The following URM1 variants were observed in gnomAD, a reference collection of about 807,000 sequenced individuals.
The protein encoded by URM1 is ubiquitin related modifier 1, also known as ubiquitin-related modifier 1.
URM1 carries 11 observed loss-of-function variants against 17.7 expected under a neutral mutation model. The ratio of observed to expected loss-of-function variants is 0.62; its 90% confidence interval spans 0.39 to 1.03. URM1 has a LOEUF of 1.03. Among genes scored for constraint, URM1 ranks in the 50% least tolerant of loss-of-function variants. The pLI, the probability that URM1 is intolerant of heterozygous loss-of-function variation, is 0.00. For missense variants in URM1, 128 were observed against 129.2 expected (o/e 0.99, Z 0.04); for synonymous variants, 48 against 50.6 (o/e 0.95, Z 0.22).
At chr9:128,386,212 C>T (rs867181067) in intron 2 of URM1, among the ~76,000 whole-genome samples, 1 of 152,212 alleles carries the variant, frequency 6.6e-6, no homozygotes, top group Admixed American at 6.5e-5. Context: ...ATGTGTCAGA[C>T]CCCGGTGGCT....
At position 128,391,636 on chromosome 9, in the gene URM1, G is replaced by A. The variant is rs192221871; in HGVS notation, c.*1902G>A. The A allele has an allele frequency of 6.6e-6, 1 of 152,332 alleles. No homozygotes were observed. Among genetic ancestry groups the A allele is most frequent in the East Asian group, 1.9e-4 (1 of 5,186 alleles). 9.4% of individuals were successfully genotyped at this position (152,332 alleles called of 1,614,324 possible). A position where few individuals can be genotyped will look rare whatever the true frequency, so the allele number is the denominator to read the frequency against. The stretch of plus-strand genomic sequence containing the variant: ...GAGCTGCAGGAGCGGCCCCATCAGT[G>A]CACCTGATTGGAACACACTAGATTT... On this transcript the variant is annotated 3_prime_UTR_variant, in exon 5 of 5. Transcript: ENST00000372853.
chr9:128,381,653 C>T (rs989202164), intron 2 of URM1, among the ~76,000 whole-genome samples: 1 of 152,250 alleles, frequency 6.6e-6, no homozygotes, highest in African/African-American at 2.4e-5. Context: ...TGCCACTGCA[C>T]TCCAGCCTGG....
At chr9:128,375,010 G>T (rs1833059296) in intron 1 of URM1, among the ~76,000 whole-genome samples, 1 of 152,212 alleles carries the variant, frequency 6.6e-6, no homozygotes, top group Non-Finnish European at 1.5e-5. Flanking sequence ...GTCTGCTGGT[G>T]CTAAGCAGGA....
intron 1 of URM1, among the ~76,000 whole-genome samples, chr9:128,377,732 G>A (rs1833096211): frequency 6.6e-6 from 1 of 152,210 alleles, no homozygotes; most frequent in South Asian, 2.1e-4. Context: ...ATGGTGGCAT[G>A]CACCTGTAGT....
chr9:128,387,977 G>T lies in URM1; in HGVS notation c.188+80G>T. Reference sequence around the variant, plus strand: ...AGCCCCCACCCTCGGGTTCAGTCCTGGCCTTCTCTGAATCCGGTTCTCCCC... The same window carrying T: ...AGCCCCCACCCTCGGGTTCAGTCCTTGCCTTCTCTGAATCCGGTTCTCCCC... On this transcript the variant is annotated intron_variant, in intron 3 of 4. Coordinates refer to ENST00000372853, the MANE Select transcript of URM1 (RefSeq NM_030914.4). This position sits in a 1 kb window ranked among gnomAD's most constrained non-coding sequence, Gnocchi z 4.3. 1 of 1,570,940 alleles carries T rather than the reference G, an allele frequency of 6.4e-7. No individual in the cohort carries two copies.
chr9:128,383,861 C>T (rs1244485344), intron 2 of URM1, among the ~76,000 whole-genome samples: 2 of 152,140 alleles, frequency 1.3e-5, no homozygotes, highest in Non-Finnish European at 2.9e-5. Flanking sequence ...TCCACCGGGG[C>T]GAGGGATTCT....
chr9:128,390,085 A>G lies in URM1; in HGVS notation c.*351A>G, dbSNP rs1272606536. 2 of 299,846 alleles carry G rather than the reference A, an allele frequency of 6.7e-6. No individual in the cohort carries two copies. Among genetic ancestry groups the G allele is most frequent in the Non-Finnish European group, 1.2e-5 (2 of 161,120 alleles). 18.6% of individuals were successfully genotyped at this position (299,846 alleles called of 1,614,324 possible). ...CAGTCTAAACATGGAGTGGCCGCTG[A>G]CAAGGCGCTCCAGCCCCAGAGCCAG... On this transcript the variant is annotated 3_prime_UTR_variant, in exon 5 of 5. Transcript: ENST00000372853.
chr9:128,378,978 G>A (rs930550074), intron 2 of URM1, among the ~76,000 whole-genome samples: 1 of 149,972 alleles, frequency 6.7e-6, no homozygotes, highest in African/African-American at 2.5e-5. Context: ...GAATGAACTT[G>A]CAGATCTTTG....
chr9:128,371,450 T>G, intron 1 of URM1, 35 bp downstream of exon 1: 3 of 1,605,976 alleles, frequency 1.9e-6, no homozygotes, highest in Non-Finnish European at 2.6e-6. Flanking sequence ...TGGGGATGGA[T>G]TGAAGTCGTC....
In URM1 at chr9:128,387,696, C is replaced by G. The variant is rs1833245923; in HGVS notation, c.107-120C>G. On this transcript the variant is annotated intron_variant, in intron 2 of 4. Transcript: ENST00000372853. The surrounding 1 kb of genome is among the most constrained non-coding windows in gnomAD (Gnocchi z 4.3). The stretch of plus-strand genomic sequence containing the variant: ...CTACAAGTTCATGGGCTATCACAGC[C>G]TGGTCTAAAAGAAGCCCTCTAAACA... 6.6e-7 allele frequency: 1 copy of G among 1,509,722 alleles called. No individual in the cohort carries two copies. Among genetic ancestry groups the G allele is most frequent in the Non-Finnish European group, 9.0e-7 (1 of 1,114,312 alleles). 93.5% of individuals were successfully genotyped at this position (1,509,722 alleles called of 1,614,324 possible).
chr9:128,389,057 A>G (rs1169124004), intron 3 of URM1: 6 of 1,352,042 alleles, frequency 4.4e-6, no homozygotes, highest in African/African-American at 2.9e-5. Flanking sequence ...CCCATTTTCC[A>G]TCTGGCTACA....
chr9:128,374,623 C>T (rs1225564032), intron 1 of URM1, among the ~76,000 whole-genome samples: 4 of 152,228 alleles, frequency 2.6e-5, no homozygotes, highest in Non-Finnish European at 5.9e-5. Context: ...GGATGACAGT[C>T]GCCCCATGTT....
At chr9:128,388,103 T>C (rs1038983448) in intron 3 of URM1, 45 of 1,334,296 alleles carry the variant, frequency 3.4e-5, no homozygotes, top group Non-Finnish European at 4.1e-5. Context: ...GAAAGGAGCC[T>C]GGTGAATTTC....
intron 2 of URM1, among the ~76,000 whole-genome samples, chr9:128,383,265 A>C (rs1833182806): frequency 6.6e-6 from 1 of 152,022 alleles, no homozygotes; most frequent in Non-Finnish European, 1.5e-5. Context: ...GTCCCCTCGC[A>C]CATCTGTAAA....
At position 128,389,660 on chromosome 9, in the gene URM1, C is replaced by T; in HGVS notation, c.238-6C>T. On this transcript the variant is annotated splice_polypyrimidine_tract_variant and splice_region_variant and intron_variant, in intron 4 of 4. Coordinates refer to ENST00000372853, the MANE Select transcript of URM1 (RefSeq NM_030914.4). ...GGGTCTCCCGCTCCCCTCTCTCCCG[C>T]ACCAGGGTGAGCTGGACTACCAGCT... The T allele has an allele frequency of 6.2e-7, 1 of 1,613,522 alleles. No individual in the cohort carries two copies. The highest frequency in any genetic ancestry group is 8.5e-7 in the Non-Finnish European group (1 of 1,180,000).
Position 128,387,865 on chromosome 9 carries a change from G to A in URM1, c.156G>A (p.Glu52=), listed in dbSNP as rs1389360848. Residue 52 remains glutamate, a synonymous_variant, in exon 3 of 5, where the codon GAG becomes GAA. Transcript: ENST00000372853. This position sits in a 1 kb window ranked among gnomAD's most constrained non-coding sequence, Gnocchi z 4.3. Reference sequence around the variant, plus strand: ...GGATCAAGAAGAATTTGCTAAAAGAGCGGCCAGAGTTGTTCATCCAGGGAG... The same window carrying A: ...GGATCAAGAAGAATTTGCTAAAAGAACGGCCAGAGTTGTTCATCCAGGGAG... ...LIWIKKNLLK[E]RPELFIQGDS... The A allele has an allele frequency of 6.2e-7, 1 of 1,614,110 alleles. No individual in the cohort carries two copies. The highest frequency in any genetic ancestry group is 1.3e-5 in the African/African-American group (1 of 75,046).
chr9:128,388,810 A>G (rs974113014), intron 3 of URM1: 7 of 990,454 alleles, frequency 7.1e-6, no homozygotes, highest in Non-Finnish European at 8.4e-6. Flanking sequence ...AGGCCTAAAA[A>G]AAAGCCGAAG....
At chr9:128,386,688 C>T (rs577868842) in intron 2 of URM1, among the ~76,000 whole-genome samples, 4 of 152,354 alleles carry the variant, frequency 2.6e-5, no homozygotes, top group African/African-American at 9.6e-5. Flanking sequence ...TCCCTGAGTC[C>T]TAGCCACCTT....
chr9:128,378,542 CAAAAA>C (rs58676800), intron 2 of URM1, among the ~76,000 whole-genome samples: 3 of 22,994 alleles, frequency 1.3e-4, no homozygotes, highest in African/African-American at 1.7e-4. Flanking sequence ...GACTCCATCT[CAAAAA>C]AAAAAAAAAA....
Sources: gnomAD v4.1 joint callset for allele counts (sites outside exome capture counted in the v4.1 genomes callset) on GRCh38, gnomAD v4.1.1 for gene constraint, Gnocchi (gnomAD v3.1) non-coding constraint, MANE v1.5 for transcripts, NCBI Gene and HGNC (gene_info 2026-07-23, HGNC 2026-07-21) for gene names.